FNDC3B: variants seen among roughly 807,000 people sequenced by gnomAD.
The protein encoded by FNDC3B is fibronectin type III domain containing 3B, also known as fibronectin type III domain-containing protein 3B.
A neutral mutation model predicts 151.5 loss-of-function variants in FNDC3B; 12 were observed. That is an observed-to-expected ratio of 0.08 (90% confidence interval 0.05 to 0.13). The LOEUF (loss-of-function observed/expected upper bound fraction) is 0.13, where lower values mean the gene tolerates loss of function less well. Ranked by LOEUF, FNDC3B falls within the 10% of genes least tolerant of loss-of-function variation. The pLI, the probability that FNDC3B is intolerant of heterozygous loss-of-function variation, is 1.00. For missense variants in FNDC3B, 1,214 were observed against 1,505.3 expected (o/e 0.81, Z 3.20); for synonymous variants, 528 against 549.0 (o/e 0.96, Z 0.54).
At chr3:172,108,293 T>G (rs6768163) in intron 1 of FNDC3B, among the ~76,000 whole-genome samples, 74,247 of 152,140 alleles carry the variant, frequency 0.49, 19,844 homozygotes, top group Admixed American at 0.6. Context: ...TAAACTGTCC[T>G]GAAATCCCTA....
intron 6 of FNDC3B, among the ~76,000 whole-genome samples, chr3:172,273,733 C>G (rs1193849245): frequency 6.6e-6 from 1 of 152,206 alleles, no homozygotes; most frequent in Non-Finnish European, 1.5e-5. Context: ...TACAGTTTAG[C>G]ACCTCTTTAT....
chr3:172,096,231 A>T (rs7636026), intron 1 of FNDC3B, among the ~76,000 whole-genome samples: 74,527 of 152,022 alleles, frequency 0.49, 19,755 homozygotes, highest in East Asian at 0.6. Context: ...ACAGACAGTT[A>T]ACATAAAACA....
intron 1 of FNDC3B, among the ~76,000 whole-genome samples, chr3:172,046,620 G>A (rs542736456): frequency 3.4e-4 from 52 of 152,050 alleles, no homozygotes; most frequent in African/African-American, 1.1e-3. Flanking sequence ...CACCTTGCCC[G>A]GCCCTGTTTT....
intron 3 of FNDC3B, among the ~76,000 whole-genome samples, chr3:172,178,588 G>T (rs918472290): frequency 6.6e-6 from 1 of 152,156 alleles, no homozygotes; most frequent in Non-Finnish European, 1.5e-5. Context: ...CTGTAGCTAT[G>T]GGGGTAGCAG....
chr3:172,057,215 G>A (rs1400837977), intron 1 of FNDC3B, among the ~76,000 whole-genome samples: 1 of 152,132 alleles, frequency 6.6e-6, no homozygotes, highest in East Asian at 1.9e-4. Flanking sequence ...CTTGACATTA[G>A]TGGATGCAGC....
At chr3:172,061,390 G>A (rs1252460745) in intron 1 of FNDC3B, among the ~76,000 whole-genome samples, 10 of 151,972 alleles carry the variant, frequency 6.6e-5, no homozygotes, top group Non-Finnish European at 1.3e-4. Flanking sequence ...CCGCCACCAA[G>A]CCCGGCTATT....
At chr3:172,359,013 G>A (rs1734238078) in intron 22 of FNDC3B, among the ~76,000 whole-genome samples, 1 of 140,304 alleles carries the variant, frequency 7.1e-6, no homozygotes, top group Non-Finnish European at 1.6e-5. Flanking sequence ...TGGTGGTGGT[G>A]GTGGTGATGG....
rs1044319596 is a variant in FNDC3B, at chr3:172,352,389, C to T, written c.2515-414C>T. Among the ~76,000 whole-genome samples, 4 of 152,084 alleles carry T rather than the reference C, an allele frequency of 2.6e-5. No individual in the cohort carries two copies. The highest frequency in any genetic ancestry group is 2.1e-4 in the South Asian group (1 of 4,824). On this transcript the variant is annotated intron_variant, in intron 21 of 25. Coordinates refer to ENST00000415807, the MANE Select transcript of FNDC3B (RefSeq NM_022763.4). The surrounding 1 kb of genome is among the most constrained non-coding windows in gnomAD (Gnocchi z 4.2). ...CTTAAAAGTCAGATGAACCGGATTC[C>T]GGTCCCAGCTTTGCCTCTAAATCTG...
chr3:172,185,720 C>T (rs1257938961), intron 3 of FNDC3B, among the ~76,000 whole-genome samples: 2 of 152,132 alleles, frequency 1.3e-5, no homozygotes, highest in East Asian at 3.8e-4. Flanking sequence ...AGAAAACAGG[C>T]CAATGGAATC....
chr3:172,205,907 G>C (rs182393446), intron 3 of FNDC3B, among the ~76,000 whole-genome samples: 3 of 152,202 alleles, frequency 2.0e-5, no homozygotes, highest in African/African-American at 7.2e-5. Context: ...AATACATTTT[G>C]TTCAGAACTT....
intron 11 of FNDC3B, chr3:172,317,136 A>G (rs536246776): frequency 1.1e-5 from 5 of 444,856 alleles, no homozygotes; most frequent in South Asian, 8.1e-5. Context: ...GGAAAAAAAA[A>G]TGACCACCTC....
At chr3:172,356,624 G>A (rs1446880213) in intron 22 of FNDC3B, among the ~76,000 whole-genome samples, 1 of 152,190 alleles carries the variant, frequency 6.6e-6, no homozygotes, top group Non-Finnish European at 1.5e-5. Context: ...TTCAGGAGCA[G>A]GAGCTTGGTG....
intron 4 of FNDC3B, among the ~76,000 whole-genome samples, chr3:172,240,281 CTG>C (rs1463081957): frequency 6.6e-6 from 1 of 152,150 alleles, no homozygotes; most frequent in Non-Finnish European, 1.5e-5. Flanking sequence ...ATGGGGATAA[CTG>C]TAACTGTATG....
Position 172,397,493 on chromosome 3 carries a change from G to A in FNDC3B, c.*18G>A. On this transcript the variant is annotated 3_prime_UTR_variant, in exon 26 of 26. Coordinates refer to ENST00000415807, the MANE Select transcript of FNDC3B (RefSeq NM_022763.4). ...TGAAGTAAACCCAACAAAACTAGAG[G>A]TATGAATTAATGCTACACATTTTAA... The A allele has an allele frequency of 6.7e-7, 1 of 1,491,358 alleles. No homozygotes were observed. The highest frequency in any genetic ancestry group is 9.1e-7 in the Non-Finnish European group (1 of 1,096,782). 92.4% of individuals were successfully genotyped at this position (1,491,358 alleles called of 1,614,324 possible).
chr3:172,351,168 G>T (rs898687451), intron 21 of FNDC3B, among the ~76,000 whole-genome samples: 1 of 152,164 alleles, frequency 6.6e-6, no homozygotes, highest in African/African-American at 2.4e-5. Context: ...CAGCAAAGAA[G>T]GGAAATAGGA....
chr3:172,120,978 C>T (rs1320504098), intron 2 of FNDC3B, among the ~76,000 whole-genome samples: 2 of 152,022 alleles, frequency 1.3e-5, no homozygotes, highest in East Asian at 3.9e-4. Flanking sequence ...AAAAAAACAA[C>T]AACAACAACC....
intron 3 of FNDC3B, among the ~76,000 whole-genome samples, chr3:172,183,081 T>G (rs752142804): frequency 1.2e-4 from 19 of 152,342 alleles, no homozygotes; most frequent in Non-Finnish European, 2.8e-4. Flanking sequence ...CCTGGGCAGT[T>G]GCTCTTTAGA....
chr3:172,350,271 A>G (rs916319609), intron 21 of FNDC3B, among the ~76,000 whole-genome samples: 18 of 152,198 alleles, frequency 1.2e-4, no homozygotes, highest in Non-Finnish European at 2.1e-4. Flanking sequence ...CCCATTTTAC[A>G]GCTGAGGAAA....
chr3:172,265,405 G>T (rs1026396378), intron 6 of FNDC3B, among the ~76,000 whole-genome samples: 1 of 152,076 alleles, frequency 6.6e-6, no homozygotes, highest in Non-Finnish European at 1.5e-5. Flanking sequence ...TTTGCAAATA[G>T]ATATTAAAAA....
Sources: gnomAD v4.1 joint callset for allele counts (sites outside exome capture counted in the v4.1 genomes callset) on GRCh38, gnomAD v4.1.1 for gene constraint, Gnocchi (gnomAD v3.1) non-coding constraint, MANE v1.5 for transcripts, NCBI Gene and HGNC (gene_info 2026-07-23, HGNC 2026-07-21) for gene names.